The following BRSK2 variants were observed in gnomAD, a reference collection of about 807,000 sequenced individuals.
BRSK2 encodes serine/threonine-protein kinase BRSK2.
A neutral mutation model predicts 83.3 loss-of-function variants in BRSK2; 19 were observed. That is an observed-to-expected ratio of 0.23 (90% CI 0.16 to 0.33). The LOEUF is 0.33. BRSK2 is among the 10% of genes least tolerant of loss of function. The probability of loss-of-function intolerance (pLI) is 1.00; values close to 1 mark genes in which losing one functional copy is unlikely to be tolerated. For synonymous variants in BRSK2, 519 were observed against 435.4 expected, an observed-to-expected ratio of 1.19 and a Z score of -2.39; for missense variants, 798 against 1,042.3, an observed-to-expected ratio of 0.77 and a Z score of 3.23.
chr11:1,396,485 G>C (rs1421237093), intron 1 of BRSK2, among the ~76,000 whole-genome samples: 2 of 152,220 alleles, frequency 1.3e-5, no homozygotes, highest in African/African-American at 4.8e-5. Flanking sequence ...TGGGTGCTTT[G>C]AAGCAGACAG....
Position 1,438,478 on chromosome 11 carries a change from G to T in BRSK2, c.272+87G>T. ...GGGTGTCTGGGGCTTGGGGAGCACA[G>T]GGGCTGGAGGCCAGGGGCGCCTGCT... On this transcript the variant is annotated intron_variant, in intron 3 of 19. Transcript: ENST00000528841. The surrounding 1 kb of genome is among the most constrained non-coding windows in gnomAD (Gnocchi z 6.4). The T allele has an allele frequency of 7.9e-7, 1 of 1,270,874 alleles. No homozygotes were observed. Among genetic ancestry groups the T allele is most frequent in the Non-Finnish European group, 1.1e-6 (1 of 882,416 alleles). The allele number at this position is 1,270,874 out of a possible 1,614,324, so 78.7% of individuals were successfully genotyped here. A position where few individuals can be genotyped will look rare whatever the true frequency, so the allele number is the denominator to read the frequency against.
intron 1 of BRSK2, among the ~76,000 whole-genome samples, chr11:1,424,624 C>G (rs779381870): frequency 6.6e-6 from 1 of 152,232 alleles, no homozygotes; most frequent in Non-Finnish European, 1.5e-5. Context: ...CACCTGCTGC[C>G]CTGCCCTCCA....
intron 1 of BRSK2, among the ~76,000 whole-genome samples, chr11:1,391,094 C>A (rs1254055883): frequency 6.6e-6 from 1 of 152,232 alleles, no homozygotes; most frequent in Non-Finnish European, 1.5e-5. Flanking sequence ...TTCTAGGGAA[C>A]AGGCCGGGTC....
rs759171172 is a variant in BRSK2, at chr11:1,460,989, A to G, written c.*266A>G. On this transcript the variant is annotated 3_prime_UTR_variant, in exon 20 of 20. Coordinates refer to ENST00000528841, the MANE Select transcript of BRSK2 (RefSeq NM_001256627.2). The stretch of plus-strand genomic sequence containing the variant: ...TACCAGGAATTATCCCGAAAAGTTA[A>G]CATGTCACCTCCACGAGGCCATCCT... The G allele has an allele frequency of 1.2e-5, 19 of 1,612,248 alleles. No individual in the cohort carries two copies. The highest frequency in any genetic ancestry group is 1.6e-5 in the Non-Finnish European group (19 of 1,179,308).
chr11:1,442,681 G>C, intron 5 of BRSK2, 75 bp downstream of exon 5: 1 of 1,285,222 alleles, frequency 7.8e-7, no homozygotes, highest in South Asian at 1.2e-5. Flanking sequence ...TGGACTGAGA[G>C]GCCCCCAGCC....
In BRSK2 at chr11:1,456,377, C is replaced by T. The variant is rs766926671; in HGVS notation, c.1698C>T (p.Ser566=). The T allele has an allele frequency of 1.9e-6, 3 of 1,587,624 alleles. No individual in the cohort carries two copies. Among genetic ancestry groups the T allele is most frequent in the East Asian group, 4.6e-5 (2 of 43,330 alleles). ...SIPSLSHSVI[S]QTSFRAEYKA... ...CCAGTCTCAGCCACAGCGTCATCTC[C>T]CAAACGAGCTTCCGGGCCGAGTACA... Residue 566 remains serine (S), a synonymous_variant, in exon 17 of 20, where the codon TCC becomes TCT. Coordinates refer to ENST00000528841, the MANE Select transcript of BRSK2 (RefSeq NM_001256627.2).
At position 1,390,009 on chromosome 11, in the gene BRSK2, G is replaced by GGCCT; in HGVS notation, c.-276_-275insGCCT. On this transcript the variant is annotated 5_prime_UTR_variant, in exon 1 of 20. Transcript: ENST00000528841. The surrounding 1 kb of genome is among the most constrained non-coding windows in gnomAD (Gnocchi z 6.8). ...GCGCGGGGCGCGGGCCTCGGCGGCG[G>GGCCT]CGGCGGCGGCGGCGGCGGAAGCCAG... 1 of 148,032 alleles carries GGCCT rather than the reference G, an allele frequency of 6.8e-6. No homozygotes were observed. The highest frequency in any genetic ancestry group is 1.5e-5 in the Non-Finnish European group (1 of 66,620). 9.2% of individuals were successfully genotyped at this position (148,032 alleles called of 1,614,324 possible). A position where few individuals can be genotyped will look rare whatever the true frequency, so the allele number is the denominator to read the frequency against.
chr11:1,456,824 C>G (rs1310348500), intron 18 of BRSK2, 137 bp downstream of exon 18: 23 of 1,321,566 alleles, frequency 1.7e-5, no homozygotes, highest in Non-Finnish European at 2.3e-5. Flanking sequence ...CTCCCTGCCC[C>G]GAGCTGTGGC....
At chr11:1,417,156 C>A (rs1233396448) in intron 1 of BRSK2, among the ~76,000 whole-genome samples, 1 of 152,102 alleles carries the variant, frequency 6.6e-6, no homozygotes. Flanking sequence ...GAGACTCCAT[C>A]TCAGAAAAAA....
At chr11:1,401,320 G>C (rs1846462185) in intron 1 of BRSK2, among the ~76,000 whole-genome samples, 2 of 152,258 alleles carry the variant, frequency 1.3e-5, no homozygotes, top group African/African-American at 4.8e-5. Context: ...CAGTGTCTGT[G>C]AGTCGGGGCT....
At chr11:1,452,088 G>A (rs1845879412) in intron 15 of BRSK2, among the ~76,000 whole-genome samples, 1 of 152,232 alleles carries the variant, frequency 6.6e-6, no homozygotes, top group African/African-American at 2.4e-5. Flanking sequence ...CCCCAGGCCA[G>A]GCAGCGGCAG....
At chr11:1,443,024 G>A in intron 5 of BRSK2, 82 bp from the exon 6 acceptor site, 1 of 1,442,954 alleles carries the variant, frequency 6.9e-7, no homozygotes, top group Middle Eastern at 2.1e-4. Flanking sequence ...CCTCCTTGAG[G>A]GCCCTGCGGT....
chr11:1,447,997 C>G, intron 12 of BRSK2: 2 of 906,326 alleles, frequency 2.2e-6, no homozygotes, highest in South Asian at 1.5e-5. Flanking sequence ...AGCCAGCCAG[C>G]AAGCCAGGCA....
chr11:1,447,898 A>G, intron 12 of BRSK2: 1 of 1,563,862 alleles, frequency 6.4e-7, no homozygotes, highest in Non-Finnish European at 8.6e-7. Context: ...CGCACCTCCC[A>G]GCCCCAGACA....
intron 8 of BRSK2, 32 bp from the exon 9 acceptor site, chr11:1,444,939 C>G (rs369319746): frequency 6.2e-7 from 1 of 1,605,968 alleles, no homozygotes; most frequent in African/African-American, 1.3e-5. Flanking sequence ...GTCCCTCGTC[C>G]GTACTAACTC....
At position 1,460,844 on chromosome 11, in the gene BRSK2, T is replaced by C. The variant is rs1469462275; in HGVS notation, c.*121T>C. 9 of 1,543,900 alleles carry C rather than the reference T, an allele frequency of 5.8e-6. 1 individual carries two copies. The highest frequency in any genetic ancestry group is 2.0e-5 in the Admixed American group (1 of 51,276). ...GTCCGTCCAGACTGTTCTCAGAGCC[T>C]GGGAGGAAAGGAAAGGGGCGTTGGG... On this transcript the variant is annotated 3_prime_UTR_variant, in exon 20 of 20. Transcript: ENST00000528841.
At chr11:1,448,886 C>T (rs1390067420) in intron 12 of BRSK2, among the ~76,000 whole-genome samples, 2 of 152,228 alleles carry the variant, frequency 1.3e-5, no homozygotes, top group African/African-American at 4.8e-5. Flanking sequence ...GGGGCCTGGG[C>T]CGTGGTGTGG....
rs576607260 is a variant in BRSK2 at position 1,450,575 on chromosome 11, C to T, written c.1288-12C>T. The T allele has an allele frequency of 6.9e-5, 104 of 1,504,022 alleles. 1 individual carries two copies. In the Admixed American group the frequency reaches 1.1e-3, roughly 15 times the overall value. The allele number at this position is 1,504,022 out of a possible 1,614,324, so 93.2% of individuals were successfully genotyped here. On this transcript the variant is annotated splice_polypyrimidine_tract_variant and intron_variant, in intron 13 of 19. Coordinates refer to ENST00000528841, the MANE Select transcript of BRSK2 (RefSeq NM_001256627.2). ...GATTGAACCAAACACCAAATCTGTC[C>T]CCACCATACAGGTGACCCCTCACCC...
At chr11:1,460,442 CCCT>C (rs2091916142) in intron 19 of BRSK2, 55 bp from the exon 20 acceptor site, 2 of 1,137,634 alleles carry the variant, frequency 1.8e-6, no homozygotes, top group Non-Finnish European at 2.3e-6. Flanking sequence ...CTTTCTCTCC[CCCT>C]TTTTTTTCTT....
Sources: allele counts gnomAD v4.1 joint callset (sites outside exome capture counted in the v4.1 genomes callset), GRCh38; gene constraint gnomAD v4.1.1; non-coding constraint Gnocchi (gnomAD v3.1); transcripts MANE v1.5; gene names NCBI Gene and HGNC (gene_info 2026-07-23, HGNC 2026-07-21).